Variants in EDEM3 observed in about 807,000 individuals in gnomAD.
The protein encoded by EDEM3 is ER degradation-enhancing alpha-mannosidase-like protein 3.
Under a neutral mutation model 110.2 loss-of-function variants are expected in EDEM3, and 60 were observed. The ratio of observed to expected loss-of-function variants is 0.54; its 90% CI spans 0.44 to 0.67. EDEM3 has a LOEUF of 0.67. Ranked by LOEUF, EDEM3 falls within the 30% of genes least tolerant of loss-of-function variation. The pLI is 0.00. For missense variants in EDEM3, 996 were observed against 1,121.0 expected (o/e 0.89, Z 1.59); for synonymous variants, 352 against 382.9 (o/e 0.92, Z 0.94).
At chr1:184,728,846 GATC>G (rs2102102510) in intron 6 of EDEM3, among the ~76,000 whole-genome samples, 1 of 152,302 alleles carries the variant, frequency 6.6e-6, no homozygotes, top group Admixed American at 6.5e-5. Flanking sequence ...TTGACCTCGT[GATC>G]CGCCCGACTT....
In EDEM3 at chr1:184,693,467, GA is replaced by G. The variant is rs200624554; in HGVS notation, c.*595del. On this transcript the variant is annotated 3_prime_UTR_variant, in exon 20 of 20. Coordinates refer to ENST00000318130, the MANE Select transcript of EDEM3 (RefSeq NM_025191.4). ...AAATAAAAAAGACATTGTTAAGAAG[GA>G]AAAAAAATCAAGTCATCTTGATCAT... The G allele has an allele frequency of 0.014, 2,199 of 152,208 alleles. 44 individuals are homozygous for G. Among genetic ancestry groups the G allele is most frequent in the East Asian group, 0.05 (260 of 5,162 alleles). 9.4% of individuals were successfully genotyped at this position (152,208 alleles called of 1,614,324 possible). A position where few individuals can be genotyped will look rare whatever the true frequency, so the allele number is the denominator to read the frequency against.
chr1:184,701,952 T>G (rs1384800089), intron 19 of EDEM3, among the ~76,000 whole-genome samples: 1 of 152,106 alleles, frequency 6.6e-6, no homozygotes. Context: ...ATCAGTTTCC[T>G]ACATATCTGT....
At position 184,690,926 on chromosome 1, in the gene EDEM3, T is replaced by C. The variant is rs1649036321; in HGVS notation, c.*3137A>G. ...AATTACTTATGCTGAGCTTTCTTCA[T>C]GATGAATTTGGCATGGGGTTTGGTG... On this transcript the variant is annotated 3_prime_UTR_variant, in exon 20 of 20. Coordinates refer to ENST00000318130, the MANE Select transcript of EDEM3 (RefSeq NM_025191.4). 1.3e-5 allele frequency: 2 copies of C among 152,430 alleles called. No individual in the cohort carries two copies. Among genetic ancestry groups the C allele is most frequent in the South Asian group, 2.1e-4 (1 of 4,832 alleles). 9.4% of individuals were successfully genotyped at this position (152,430 alleles called of 1,614,324 possible). A position where few individuals can be genotyped will look rare whatever the true frequency, so the allele number is the denominator to read the frequency against.
Position 184,717,026 on chromosome 1 carries a change from G to A in EDEM3, c.1246-14C>T, listed in dbSNP as rs771164295. 1.9e-6 allele frequency: 3 copies of A among 1,582,924 alleles called. No homozygotes were observed. Among genetic ancestry groups the A allele is most frequent in the East Asian group, 2.2e-5 (1 of 44,608 alleles). ...ATCTCCTGTAGCCTATTAAAAAGGA[G>A]AATATATGTATAATATATATAGCTT... On this transcript the variant is annotated splice_polypyrimidine_tract_variant and intron_variant, in intron 12 of 19. Transcript: ENST00000318130.
intron 2 of EDEM3, among the ~76,000 whole-genome samples, chr1:184,742,388 T>C (rs1422042296): frequency 6.6e-6 from 1 of 152,156 alleles, no homozygotes; most frequent in Non-Finnish European, 1.5e-5. Context: ...TATTTCAGCA[T>C]AAATTCCTAA....
chr1:184,725,106 C>T (rs1163217719), intron 7 of EDEM3, among the ~76,000 whole-genome samples: 1 of 152,152 alleles, frequency 6.6e-6, no homozygotes, highest in African/African-American at 2.4e-5. Context: ...TGCAGTTTGC[C>T]AACCCTGTAT....
intron 6 of EDEM3, among the ~76,000 whole-genome samples, chr1:184,726,678 A>C (rs975857233): frequency 5.3e-5 from 8 of 152,230 alleles, no homozygotes; most frequent in African/African-American, 1.9e-4. Flanking sequence ...TTATAATCCA[A>C]GGGAAATTAC....
chr1:184,715,863 C>T (rs1345212606), intron 13 of EDEM3, among the ~76,000 whole-genome samples: 1 of 152,158 alleles, frequency 6.6e-6, no homozygotes, highest in African/African-American at 2.4e-5. Flanking sequence ...TTCTCATTAG[C>T]TGTGGTTAGG....
At chr1:184,748,693 A>C (rs576799244) in intron 2 of EDEM3, among the ~76,000 whole-genome samples, 8 of 152,338 alleles carry the variant, frequency 5.3e-5, no homozygotes, top group African/African-American at 1.7e-4. Context: ...AGATGTTCAT[A>C]GATAACAATG....
At chr1:184,725,693 T>C (rs1651153096) in intron 7 of EDEM3, among the ~76,000 whole-genome samples, 1 of 151,952 alleles carries the variant, frequency 6.6e-6, no homozygotes, top group African/African-American at 2.4e-5. Flanking sequence ...GTGTTACCAC[T>C]GCACTCCAAT....
chr1:184,736,935 C>T, intron 4 of EDEM3, 90 bp downstream of exon 4: 1 of 1,072,396 alleles, frequency 9.3e-7, no homozygotes, highest in South Asian at 1.4e-5. Flanking sequence ...CTGAAGGCTT[C>T]TATTTCATAC....
chr1:184,744,385 C>T (rs1268412190), intron 2 of EDEM3, among the ~76,000 whole-genome samples: 1 of 150,216 alleles, frequency 6.7e-6, no homozygotes, highest in Non-Finnish European at 1.5e-5. Context: ...ACTATACACC[C>T]AACAGAATGG....
rs1651609118 is a variant in EDEM3 at position 184,732,944 on chromosome 1, C to T, written c.505G>A (p.Gly169Ser). 2 of 1,613,754 alleles carry T rather than the reference C, an allele frequency of 1.2e-6. No homozygotes were observed. Among genetic ancestry groups the T allele is most frequent in the Non-Finnish European group, 1.7e-6 (2 of 1,179,862 alleles). Reference sequence around the variant, plus strand: ...TCATTGTACCACTGCATATATTCACCTTTTTCTTTCAGCATGATTGCCAGG... The same window carrying T: ...TCATTGTACCACTGCATATATTCACTTTTTTCTTTCAGCATGATTGCCAGG... ...HSLAIMLKEK[G>S]EYMQWYNDEL... The change falls in exon 6 of 20, where the codon GGT (glycine) becomes AGT (serine). Residue 169 changes from glycine (G) to serine (S), a missense_variant. Gly to Ser is a moderately conservative substitution (Grantham distance 56, BLOSUM62 0). Coordinates refer to ENST00000318130, the MANE Select transcript of EDEM3 (RefSeq NM_025191.4).
At chr1:184,744,840 A>G (rs1193788502) in intron 2 of EDEM3, among the ~76,000 whole-genome samples, 1 of 152,106 alleles carries the variant, frequency 6.6e-6, no homozygotes, top group Non-Finnish European at 1.5e-5. Context: ...GATAAATCTC[A>G]AAAGCATCAT....
At chr1:184,708,372 C>T (rs760556190) in intron 16 of EDEM3, 28 bp from the exon 17 acceptor site, 3 of 1,606,248 alleles carry the variant, frequency 1.9e-6, no homozygotes, top group African/African-American at 2.7e-5. Flanking sequence ...TCATTTTATC[C>T]TTCCTTTCTG....
intron 8 of EDEM3, 101 bp from the exon 9 acceptor site, chr1:184,721,487 G>A: frequency 2.7e-6 from 2 of 740,756 alleles, no homozygotes. Flanking sequence ...TTAACATTGT[G>A]CATATATATG....
At chr1:184,750,216 A>G (rs2102139718) in intron 1 of EDEM3, among the ~76,000 whole-genome samples, 1 of 152,362 alleles carries the variant, frequency 6.6e-6, no homozygotes. Context: ...AATCAAATAA[A>G]TAGTATTCAC....
intron 19 of EDEM3, among the ~76,000 whole-genome samples, chr1:184,697,400 A>T (rs1256687202): frequency 6.6e-6 from 1 of 151,934 alleles, no homozygotes; most frequent in Non-Finnish European, 1.5e-5. Context: ...ATGGAACAGC[A>T]TATGTCAAAG....
rs111881385 is a variant in EDEM3, at chr1:184,726,336, T to C, written c.666A>G (p.Thr222=). The part of the protein sequence containing the change: ...RKPEARTGTE[T]DTCTACAGTL... The stretch of plus-strand genomic sequence containing the variant: ...TACCTGCACAAGCTGTACAGGTATC[T>C]GTCTCAGTTCCTGTCCGAGCTTCTG... Residue 222 remains threonine (T), a synonymous_variant, in exon 7 of 20, where the codon ACA becomes ACG. Transcript: ENST00000318130. 383 of 1,613,914 alleles carry C rather than the reference T, an allele frequency of 2.4e-4. 2 individuals carry two copies. In the African/African-American group the frequency reaches 4.4e-3, roughly 19 times the overall value.
Sources: gnomAD v4.1 joint callset for allele counts (sites outside exome capture counted in the v4.1 genomes callset) on GRCh38, gnomAD v4.1.1 for gene constraint, MANE v1.5 for transcripts, NCBI Gene and HGNC (gene_info 2026-07-23, HGNC 2026-07-21) for gene names.